The following LCLAT1 variants were observed in gnomAD, a reference collection of about 807,000 sequenced individuals.
The protein encoded by LCLAT1 is 1-AGP acyltransferase 8.
A neutral mutation model predicts 30.7 loss-of-function variants in LCLAT1; 11 were observed. The ratio of observed to expected loss-of-function variants is 0.36; its 90% CI spans 0.23 to 0.59. The LOEUF (loss-of-function observed/expected upper bound fraction) is 0.59. Ranked by LOEUF, LCLAT1 falls within the 20% of genes least tolerant of loss-of-function variation. LCLAT1 has a pLI of 0.77. For missense variants in LCLAT1, 402 were observed against 458.6 expected, an observed-to-expected ratio of 0.88 and a Z score of 1.13; for synonymous variants, 155 against 151.3, an observed-to-expected ratio of 1.02 and a Z score of -0.18.
At chr2:30,478,421 G>C (rs1397944728) in intron 1 of LCLAT1, among the ~76,000 whole-genome samples, 1 of 152,112 alleles carries the variant, frequency 6.6e-6, no homozygotes, top group Non-Finnish European at 1.5e-5. Context: ...TCATATTCTG[G>C]TAGAATTCCC....
In LCLAT1 at chr2:30,640,140, GATA is replaced by G; in HGVS notation, c.653_655del (p.Asp218_Ile219delinsVal). The G allele has an allele frequency of 1.9e-6, 3 of 1,613,082 alleles. No individual in the cohort carries two copies. Among genetic ancestry groups the G allele is most frequent in the Non-Finnish European group, 2.5e-6 (3 of 1,179,606 alleles). On this transcript the variant is annotated inframe_deletion, in exon 6 of 6. Coordinates refer to ENST00000379509, the MANE Select transcript of LCLAT1 (RefSeq NM_001002257.3). ...AGGTAAGAACCTTGATGCTGTCCAT[GATA>G]TCACTGTGGCGTATCCTCACAACAT...
intron 1 of LCLAT1, among the ~76,000 whole-genome samples, chr2:30,492,840 T>A (rs1683899997): frequency 1.3e-5 from 2 of 152,198 alleles, no homozygotes. Context: ...TTGTTTATTT[T>A]TAGAGATGAC....
At chr2:30,488,923 A>G (rs1024879186) in intron 1 of LCLAT1, among the ~76,000 whole-genome samples, 3 of 152,246 alleles carry the variant, frequency 2.0e-5, no homozygotes, top group African/African-American at 7.2e-5. Context: ...ATTCTGTTAC[A>G]ATGTTAAAAT....
At chr2:30,612,809 C>T (rs577763023) in intron 5 of LCLAT1, among the ~76,000 whole-genome samples, 66 of 152,288 alleles carry the variant, frequency 4.3e-4, no homozygotes, top group African/African-American at 1.4e-3. Flanking sequence ...AGAAGTACCC[C>T]AGAGACAGAA....
chr2:30,550,810 A>G (rs565197577), intron 3 of LCLAT1, among the ~76,000 whole-genome samples: 1 of 152,096 alleles, frequency 6.6e-6, no homozygotes, highest in African/African-American at 2.4e-5. Context: ...CAGACTATTT[A>G]TATATATTAT....
At chr2:30,624,701 A>T (rs1668423501) in intron 5 of LCLAT1, among the ~76,000 whole-genome samples, 1 of 152,224 alleles carries the variant, frequency 6.6e-6, no homozygotes, top group South Asian at 2.1e-4. Context: ...ACCAGACTAG[A>T]CAGGTCATCA....
chr2:30,594,774 C>G (rs1297020069), intron 5 of LCLAT1, among the ~76,000 whole-genome samples: 1 of 152,174 alleles, frequency 6.6e-6, no homozygotes, highest in Non-Finnish European at 1.5e-5. Flanking sequence ...ATAATTAATA[C>G]TTCTCTAGGA....
chr2:30,503,486 A>G (rs976662192), intron 1 of LCLAT1, among the ~76,000 whole-genome samples: 2 of 152,210 alleles, frequency 1.3e-5, no homozygotes, highest in African/African-American at 4.8e-5. Flanking sequence ...AGTCCCTTAA[A>G]TAACAGCTAG....
intron 3 of LCLAT1, among the ~76,000 whole-genome samples, chr2:30,557,411 A>G (rs1256611075): frequency 2.0e-5 from 3 of 150,772 alleles, no homozygotes; most frequent in Non-Finnish European, 3.0e-5. Flanking sequence ...GGAAAAATTC[A>G]CATCAATTTT....
chr2:30,495,276 A>C (rs553186364), intron 1 of LCLAT1, among the ~76,000 whole-genome samples: 1 of 152,242 alleles, frequency 6.6e-6, no homozygotes, highest in South Asian at 2.1e-4. Context: ...TTTGTGTTCA[A>C]AATATTCATA....
intron 3 of LCLAT1, among the ~76,000 whole-genome samples, chr2:30,538,962 CTTT>C (rs745791329): frequency 2.1e-5 from 3 of 141,518 alleles, no homozygotes; most frequent in Non-Finnish European, 3.1e-5. Flanking sequence ...CCCCCAACCT[CTTT>C]TTTTTTTTTT....
intron 1 of LCLAT1, among the ~76,000 whole-genome samples, chr2:30,503,295 T>C (rs771826972): frequency 1.2e-4 from 18 of 152,314 alleles, no homozygotes; most frequent in Non-Finnish European, 4.4e-5. Context: ...GCCAGTAGGG[T>C]TGTGACCAGA....
At chr2:30,546,161 C>T (rs1256018999) in intron 3 of LCLAT1, among the ~76,000 whole-genome samples, 1 of 152,074 alleles carries the variant, frequency 6.6e-6, no homozygotes, top group Non-Finnish European at 1.5e-5. Context: ...TGCTTTCATC[C>T]ATTCTCAGTT....
At chr2:30,596,364 G>C (rs1558543517) in intron 5 of LCLAT1, among the ~76,000 whole-genome samples, 1 of 151,926 alleles carries the variant, frequency 6.6e-6, no homozygotes. Flanking sequence ...TCTCATTGTG[G>C]TTTTGATTTG....
intron 1 of LCLAT1, among the ~76,000 whole-genome samples, chr2:30,524,982 A>G (rs1013019507): frequency 6.6e-6 from 1 of 152,026 alleles, no homozygotes; most frequent in Non-Finnish European, 1.5e-5. Context: ...AAACTCTGGA[A>G]TATTTTATGA....
In LCLAT1 at chr2:30,641,533, G is replaced by A. The variant is rs1010389689; in HGVS notation, c.*914G>A. The A allele has an allele frequency of 1.3e-5, 2 of 152,192 alleles. No individual in the cohort carries two copies. The highest frequency in any genetic ancestry group is 4.8e-5 in the African/African-American group (2 of 41,452). 9.4% of individuals were successfully genotyped at this position (152,192 alleles called of 1,614,324 possible). ...TACAACCTACCAAAAAAGGAAGGTT[G>A]TTTTTTCTACATGTGCTTGGGTATC... On this transcript the variant is annotated 3_prime_UTR_variant, in exon 6 of 6. Coordinates refer to ENST00000379509, the MANE Select transcript of LCLAT1 (RefSeq NM_001002257.3).
In LCLAT1 at chr2:30,636,880, C is replaced by T. The variant is rs116128404; in HGVS notation, c.629-3237C>T. Among the ~76,000 whole-genome samples, 772 of 152,218 alleles carry T rather than the reference C, an allele frequency of 5.1e-3. 7 individuals carry two copies. Among genetic ancestry groups the T allele is most frequent in the African/African-American group, 0.016 (663 of 41,518 alleles). Reference sequence around the variant, plus strand: ...ATTTTAAGATTGACTGTGACACTCACGTAGAATGACTGAGTAGAGAGGTAG... The same window carrying T: ...ATTTTAAGATTGACTGTGACACTCATGTAGAATGACTGAGTAGAGAGGTAG... On this transcript the variant is annotated intron_variant, in intron 5 of 5. Transcript: ENST00000379509.
intron 1 of LCLAT1, among the ~76,000 whole-genome samples, chr2:30,477,116 T>G (rs957749401): frequency 6.6e-6 from 1 of 152,232 alleles, no homozygotes. Flanking sequence ...TTCCTGTGCC[T>G]AAGAATCCTT....
Position 30,597,467 on chromosome 2 carries a change from T to A in LCLAT1, c.628+29291T>A, listed in dbSNP as rs150259747. 6.9e-3 allele frequency among the ~76,000 whole-genome samples: 1,056 copies of A among 152,322 alleles called. 12 individuals are homozygous for A. Among genetic ancestry groups the A allele is most frequent in the African/African-American group, 0.024 (1,002 of 41,566 alleles). Reference sequence around the variant, plus strand: ...CTTGTCTATTGTTGGTGTATAGGAATGCTTGTGACTTTTGCACATTGATTT... The same window carrying A: ...CTTGTCTATTGTTGGTGTATAGGAAAGCTTGTGACTTTTGCACATTGATTT... On this transcript the variant is annotated intron_variant, in intron 5 of 5. Coordinates refer to ENST00000379509, the MANE Select transcript of LCLAT1 (RefSeq NM_001002257.3).
Sources: gnomAD v4.1 joint callset for allele counts (sites outside exome capture counted in the v4.1 genomes callset) on GRCh38, gnomAD v4.1.1 for gene constraint, MANE v1.5 for transcripts, NCBI Gene and HGNC (gene_info 2026-07-23, HGNC 2026-07-21) for gene names.